Variants in CSGALNACT1 observed in about 807,000 individuals in gnomAD.
CSGALNACT1 encodes the protein chondroitin sulfate N-acetylgalactosaminyltransferase 1, also known as beta4GalNAcT-1.
In CSGALNACT1, 52 loss-of-function variants were observed where a neutral mutation model predicts 51.0. That is an observed-to-expected ratio of 1.02 (90% CI 0.82 to 1.29). The LOEUF is 1.29. Among genes scored for constraint, CSGALNACT1 ranks in the 50% most tolerant of loss-of-function variants. CSGALNACT1 has a pLI of 0.00. For missense variants in CSGALNACT1, 935 were observed against 679.2 expected (o/e 1.38, Z -4.19); for synonymous variants, 341 against 254.4 (o/e 1.34, Z -3.24).
intron 1 of CSGALNACT1, among the ~76,000 whole-genome samples, chr8:19,696,162 T>TAG (rs1367942363): frequency 2.0e-5 from 3 of 152,202 alleles, no homozygotes; most frequent in Non-Finnish European, 4.4e-5. Flanking sequence ...CATGAATAAT[T>TAG]AGACATCCAG....
intron 4 of CSGALNACT1, among the ~76,000 whole-genome samples, chr8:19,461,402 T>G (rs991485150): frequency 2.6e-5 from 4 of 152,052 alleles, no homozygotes; most frequent in Non-Finnish European, 5.9e-5. Flanking sequence ...GCAGCCACAT[T>G]CACCATGGAG....
intron 4 of CSGALNACT1, among the ~76,000 whole-genome samples, chr8:19,498,527 C>G (rs763114351): frequency 7.2e-5 from 11 of 152,168 alleles, no homozygotes; most frequent in Admixed American, 1.3e-4. Context: ...CTTCAACTCA[C>G]GGAGAACACA....
chr8:19,552,489 GT>G (rs1219136509), intron 3 of CSGALNACT1, among the ~76,000 whole-genome samples: 2 of 152,072 alleles, frequency 1.3e-5, no homozygotes, highest in South Asian at 4.1e-4. Context: ...CCGAGACCAA[GT>G]TTCTTTTTTT....
At position 19,483,733 on chromosome 8, in the gene CSGALNACT1, G is replaced by A. The variant is rs374115683; in HGVS notation, c.634+21468C>T. On this transcript the variant is annotated intron_variant, in intron 4 of 9. Coordinates refer to ENST00000454498, the Ensembl canonical transcript of CSGALNACT1. Reference sequence around the variant, plus strand: ...TCTGTTTACTCATCTGTGCAGCCCAGGGCCAGCTGGGAAACTCTCATTTCT... The same window carrying A: ...TCTGTTTACTCATCTGTGCAGCCCAAGGCCAGCTGGGAAACTCTCATTTCT... Among the ~76,000 whole-genome samples, 188 of 152,248 alleles carry A rather than the reference G, an allele frequency of 1.2e-3. 3 individuals are homozygous for A. In the South Asian group the frequency reaches 0.034, roughly 28 times the overall value.
At chr8:19,436,158 G>A (rs1002627282) in intron 6 of CSGALNACT1, among the ~76,000 whole-genome samples, 1 of 152,164 alleles carries the variant, frequency 6.6e-6, no homozygotes, top group African/African-American at 2.4e-5. Flanking sequence ...CACTAAACAA[G>A]ATTTTTAAAA....
At chr8:19,587,420 G>A (rs995093780) in intron 3 of CSGALNACT1, among the ~76,000 whole-genome samples, 1 of 152,204 alleles carries the variant, frequency 6.6e-6, no homozygotes, top group South Asian at 2.1e-4. Context: ...AATGTCATGG[G>A]TGGTAAGGAT....
chr8:19,549,718 A>C (rs2087468754), intron 3 of CSGALNACT1, among the ~76,000 whole-genome samples: 1 of 148,166 alleles, frequency 6.7e-6, no homozygotes, highest in Non-Finnish European at 1.5e-5. Flanking sequence ...CTTCCCAAGA[A>C]AGGGTGCAGA....
At chr8:19,450,273 GGGAGGAGAGGGA>G (rs2062930308) in intron 5 of CSGALNACT1, among the ~76,000 whole-genome samples, 3 of 124,926 alleles carry the variant, frequency 2.4e-5, no homozygotes, top group African/African-American at 6.0e-5. Flanking sequence ...GAGGAGAGGG[GGGAGGAGAGGGA>G]GGAGGAGAAG....
chr8:19,578,344 T>C (rs1349618378), intron 3 of CSGALNACT1, among the ~76,000 whole-genome samples: 1 of 152,218 alleles, frequency 6.6e-6, no homozygotes, highest in Non-Finnish European at 1.5e-5. Context: ...TTTGTCATGC[T>C]CTGGGACTTT....
chr8:19,572,527 T>C (rs927370216), intron 3 of CSGALNACT1, among the ~76,000 whole-genome samples: 16 of 152,222 alleles, frequency 1.1e-4, no homozygotes, highest in African/African-American at 3.9e-4. Flanking sequence ...AAAGGCTTCC[T>C]TGGCCAGCAA....
intron 1 of CSGALNACT1, among the ~76,000 whole-genome samples, chr8:19,754,954 G>A (rs1055592047): frequency 1.3e-5 from 2 of 152,126 alleles, no homozygotes; most frequent in Non-Finnish European, 2.9e-5. Context: ...CTAATATATA[G>A]TAGGGCTAAC....
rs2154070103 is a variant in CSGALNACT1 at position 19,541,085 on chromosome 8, A to G, written c.-296-34955T>C. On this transcript the variant is annotated intron_variant, in intron 3 of 9. Coordinates refer to ENST00000454498, the Ensembl canonical transcript of CSGALNACT1. ...TATACTAATGTATTTTCTCTGGGTGATAATTTTTTTTTTTAATGGAGTCTT... is the reference window on the plus strand; with the variant it reads ...TATACTAATGTATTTTCTCTGGGTGGTAATTTTTTTTTTTAATGGAGTCTT... Among the ~76,000 whole-genome samples, 3 of 147,650 alleles carry G rather than the reference A, an allele frequency of 2.0e-5. No individual in the cohort carries two copies. In the East Asian group the frequency reaches 5.8e-4, roughly 29 times the overall value.
intron 1 of CSGALNACT1, among the ~76,000 whole-genome samples, chr8:19,620,287 C>T (rs1294547892): frequency 7.5e-6 from 1 of 133,532 alleles, no homozygotes; most frequent in African/African-American, 2.8e-5. Context: ...TGCACTCCAG[C>T]CTGGGCAACA....
intron 1 of CSGALNACT1, among the ~76,000 whole-genome samples, chr8:19,654,971 G>A (rs577215075): frequency 1.3e-5 from 2 of 152,190 alleles, no homozygotes; most frequent in African/African-American, 4.8e-5. Context: ...AAAATCACCT[G>A]ATGGTAGACC....
At chr8:19,658,989 C>T (rs1218039396) in intron 1 of CSGALNACT1, among the ~76,000 whole-genome samples, 1 of 152,120 alleles carries the variant, frequency 6.6e-6, no homozygotes, top group African/African-American at 2.4e-5. Context: ...TAACCAGCTT[C>T]ATAAATGTTT....
At chr8:19,431,183 C>G (rs2059600581) in intron 6 of CSGALNACT1, among the ~76,000 whole-genome samples, 1 of 152,028 alleles carries the variant, frequency 6.6e-6, no homozygotes, top group Non-Finnish European at 1.5e-5. Flanking sequence ...TCCAACTGTC[C>G]TGGCTAGAAC....
chr8:19,481,457 A>T (rs183009478), intron 4 of CSGALNACT1, among the ~76,000 whole-genome samples: 2 of 152,314 alleles, frequency 1.3e-5, no homozygotes, highest in Admixed American at 6.5e-5. Context: ...ACCTGTGGAC[A>T]GGAGTGACTT....
intron 6 of CSGALNACT1, among the ~76,000 whole-genome samples, chr8:19,439,350 T>G (rs745601079): frequency 1.3e-5 from 2 of 152,196 alleles, no homozygotes; most frequent in Non-Finnish European, 2.9e-5. Context: ...CTGAATGTCT[T>G]AAAATACTTA....
chr8:19,740,606 T>G (rs1028760395), intron 1 of CSGALNACT1, among the ~76,000 whole-genome samples: 2 of 152,250 alleles, frequency 1.3e-5, no homozygotes, highest in African/African-American at 4.8e-5. Flanking sequence ...TTTTAGTAAC[T>G]GTTATATAAT....
Sources: allele counts gnomAD v4.1 joint callset (sites outside exome capture counted in the v4.1 genomes callset), GRCh38; gene constraint gnomAD v4.1.1; transcripts MANE v1.5; gene names NCBI Gene and HGNC (gene_info 2026-07-23, HGNC 2026-07-21).